The following SLC16A7 variants were observed in gnomAD, a reference collection of about 807,000 sequenced individuals.
SLC16A7 encodes the protein monocarboxylate transporter 2.
Under a neutral mutation model 34.9 loss-of-function variants are expected in SLC16A7, and 33 were observed. That is an observed-to-expected ratio of 0.94 (90% CI 0.72 to 1.26). The LOEUF is 1.26. SLC16A7 is among the 50% of genes most tolerant of loss of function. SLC16A7 has a pLI of 0.00. For missense variants in SLC16A7, 573 were observed against 578.1 expected (o/e 0.99, Z 0.09); for synonymous variants, 201 against 206.6 (o/e 0.97, Z 0.23).
At chr12:59,727,403 T>G (rs1254993358) in intron 3 of SLC16A7, among the ~76,000 whole-genome samples, 1 of 151,996 alleles carries the variant, frequency 6.6e-6, no homozygotes, top group Non-Finnish European at 1.5e-5. Flanking sequence ...GGGACACTGT[T>G]GAGATTACAT....
chr12:59,684,887 A>G (rs982909980), intron 2 of SLC16A7, among the ~76,000 whole-genome samples: 18 of 152,134 alleles, frequency 1.2e-4, no homozygotes, highest in Non-Finnish European at 2.6e-4. Flanking sequence ...GGGGAGGCAA[A>G]GGGGGAAGAA....
chr12:59,685,230 T>C (rs949940619), intron 2 of SLC16A7, among the ~76,000 whole-genome samples: 12 of 152,212 alleles, frequency 7.9e-5, no homozygotes, highest in Non-Finnish European at 1.8e-4. Flanking sequence ...ACCAACTTCA[T>C]TATCAGTGTT....
intron 5 of SLC16A7, 108 bp downstream of exon 5, chr12:59,775,583 T>G (rs1014562754): frequency 1.3e-6 from 1 of 747,550 alleles, no homozygotes; most frequent in African/African-American, 1.8e-5. Flanking sequence ...ACTAATAGCC[T>G]GAAGGAATAT....
At chr12:59,705,152 T>A in intron 3 of SLC16A7, 134 bp downstream of exon 3, 1 of 610,676 alleles carries the variant, frequency 1.6e-6, no homozygotes, top group Non-Finnish European at 2.9e-6. Context: ...ATCAAAAGTA[T>A]AATTAGAACT....
At chr12:59,689,223 C>T (rs1329957622) in intron 2 of SLC16A7, 3 of 151,870 alleles carry the variant, frequency 2.0e-5, no homozygotes, top group African/African-American at 7.3e-5. Context: ...TCAGAGTTGG[C>T]ATTTAGATTA....
intron 3 of SLC16A7, chr12:59,768,457 A>G (rs1881899917): frequency 4.1e-6 from 1 of 243,808 alleles, no homozygotes; most frequent in African/African-American, 2.3e-5. Flanking sequence ...GAGCCAAGAA[A>G]GTGGTTTCTT....
intron 1 of SLC16A7, among the ~76,000 whole-genome samples, chr12:59,651,965 AT>A (rs925482662): frequency 4.6e-5 from 7 of 152,100 alleles, no homozygotes; most frequent in African/African-American, 1.7e-4. Flanking sequence ...ATTAATAAAT[AT>A]TTTATTCAAG....
rs764087962 is a variant in SLC16A7 at position 59,771,296 on chromosome 12, G to A, written c.295G>A (p.Gly99Arg). 1 of 1,613,416 alleles carries A rather than the reference G, an allele frequency of 6.2e-7. No homozygotes were observed. The highest frequency in any genetic ancestry group is 1.7e-5 in the Admixed American group (1 of 59,930). Reference sequence around the variant, plus strand: ...AGCAGGAGGCTTATTATGCTGTCTTGGAATGGTGTTGGCCTCCTTTAGTAG... The same window carrying A: ...AGCAGGAGGCTTATTATGCTGTCTTAGAATGGTGTTGGCCTCCTTTAGTAG... Reference protein sequence around the residue: ...VIAGGLLCCLGMVLASFSSSV... With the variant: ...VIAGGLLCCLRMVLASFSSSV... The change falls in exon 4 of 6, where the codon GGA (glycine) becomes AGA (arginine). Residue 99 changes from glycine to arginine, a missense_variant. Gly to Arg is a moderately radical substitution (Grantham distance 125). Coordinates refer to ENST00000547379, the MANE Select transcript of SLC16A7 (RefSeq NM_001270623.2).
chr12:59,775,255 A>G lies in SLC16A7; in HGVS notation c.960A>G (p.Ala320=). ...GAATTCAGTACTTCTTCAGTTTTGCAATCATGTTCAATGGAGTGTGTCACC... is the reference window on the plus strand; with the variant it reads ...GAATTCAGTACTTCTTCAGTTTTGCGATCATGTTCAATGGAGTGTGTCACC... ...RPRIQYFFSF[A]IMFNGVCHLL... Residue 320 remains alanine, a synonymous_variant, in exon 5 of 6, where the codon GCA becomes GCG. Coordinates refer to ENST00000547379, the MANE Select transcript of SLC16A7 (RefSeq NM_001270623.2). 1 of 1,614,168 alleles carries G rather than the reference A, an allele frequency of 6.2e-7. No individual in the cohort carries two copies. Among genetic ancestry groups the G allele is most frequent in the South Asian group, 1.1e-5 (1 of 91,088 alleles).
intron 3 of SLC16A7, among the ~76,000 whole-genome samples, chr12:59,750,734 C>A (rs1879427772): frequency 6.6e-6 from 1 of 152,162 alleles, no homozygotes. Flanking sequence ...GATTATAAAT[C>A]ATTCTACTCT....
intron 1 of SLC16A7, among the ~76,000 whole-genome samples, chr12:59,605,955 A>G (rs933270997): frequency 1.3e-5 from 2 of 152,156 alleles, no homozygotes; most frequent in Non-Finnish European, 2.9e-5. Flanking sequence ...AATAAAATTT[A>G]TTTTATGAGT....
intron 4 of SLC16A7, among the ~76,000 whole-genome samples, chr12:59,773,034 GA>G (rs1448393649): frequency 6.6e-6 from 1 of 151,386 alleles, no homozygotes; most frequent in Non-Finnish European, 1.5e-5. Context: ...ATTTCCAAAT[GA>G]AAATATGGAT....
At chr12:59,606,123 C>G (rs756062984) in intron 1 of SLC16A7, among the ~76,000 whole-genome samples, 13 of 152,098 alleles carry the variant, frequency 8.5e-5, no homozygotes, top group African/African-American at 3.1e-4. Flanking sequence ...AATATTGGTA[C>G]TCCCAGCATG....
intron 2 of SLC16A7, among the ~76,000 whole-genome samples, chr12:59,675,916 G>GAT (rs143600006): frequency 1.8e-3 from 271 of 147,748 alleles, no homozygotes; most frequent in East Asian, 3.3e-3. Context: ...AAATTCCCCA[G>GAT]ATATATATAT....
chr12:59,745,542 G>A (rs1878800884), intron 3 of SLC16A7, among the ~76,000 whole-genome samples: 1 of 152,132 alleles, frequency 6.6e-6, no homozygotes, highest in South Asian at 2.1e-4. Flanking sequence ...CAATGGGTTG[G>A]TCACCAAACA....
chr12:59,682,578 G>A (rs1391933178), intron 2 of SLC16A7, among the ~76,000 whole-genome samples: 2 of 152,080 alleles, frequency 1.3e-5, no homozygotes, highest in East Asian at 1.9e-4. Flanking sequence ...TTAGAGAAGG[G>A]AGATTTTCCT....
At chr12:59,672,001 ATC>A (rs1869839161) in intron 2 of SLC16A7, among the ~76,000 whole-genome samples, 1 of 1,480 alleles carries the variant, frequency 6.8e-4, no homozygotes, top group African/African-American at 4.0e-3. Context: ...ATGTGTATAT[ATC>A]CATATATCCG....
At chr12:59,777,593 CTTA>C (rs1286052092) in intron 5 of SLC16A7, among the ~76,000 whole-genome samples, 1 of 149,322 alleles carries the variant, frequency 6.7e-6, no homozygotes, top group African/African-American at 2.5e-5. Context: ...TTTTTTTTTT[CTTA>C]TTAGAGGTAT....
intron 3 of SLC16A7, among the ~76,000 whole-genome samples, chr12:59,748,921 G>A (rs1879194062): frequency 6.6e-6 from 1 of 152,130 alleles, no homozygotes; most frequent in Non-Finnish European, 1.5e-5. Flanking sequence ...GCAAACTGTG[G>A]TTTGATAATT....
Sources: allele counts gnomAD v4.1 joint callset (sites outside exome capture counted in the v4.1 genomes callset), GRCh38; gene constraint gnomAD v4.1.1; transcripts MANE v1.5; gene names NCBI Gene and HGNC (gene_info 2026-07-23, HGNC 2026-07-21).